ATXN1: variants seen among roughly 807,000 people sequenced by gnomAD.
ATXN1 encodes ataxin-1.
ATXN1 carries 8 observed loss-of-function variants against 56.4 expected under a neutral mutation model. The ratio of observed to expected loss-of-function variants is 0.14; its 90% CI spans 0.08 to 0.26. The LOEUF (loss-of-function observed/expected upper bound fraction) is 0.26, where lower values mean the gene tolerates loss of function less well. Among genes scored for constraint, ATXN1 ranks in the 10% least tolerant of loss-of-function variants. The pLI, the probability that ATXN1 is intolerant of heterozygous loss-of-function variation, is 1.00. For synonymous variants in ATXN1, 514 were observed against 494.6 expected (o/e 1.04, Z -0.52); for missense variants, 987 against 1,106.5 (o/e 0.89, Z 1.53).
Position 16,607,608 on chromosome 6 carries a change from T to C in ATXN1, c.-488-21701A>G, listed in dbSNP as rs142934924. Among the ~76,000 whole-genome samples the C allele has an allele frequency of 6.0e-3, 915 of 152,296 alleles. 6 individuals are homozygous for C. The highest frequency in any genetic ancestry group is 0.02 in the African/African-American group (817 of 41,568). On this transcript the variant is annotated intron_variant, in intron 3 of 7. Coordinates refer to ENST00000436367, the MANE Select transcript of ATXN1 (RefSeq NM_001128164.2). The stretch of plus-strand genomic sequence containing the variant: ...CCTGTTTCCATCTGATAGGTCAAAA[T>C]ACATGAATATGTACCCATCTCTCTA...
chr6:16,344,824 T>C (rs528297749), intron 6 of ATXN1, among the ~76,000 whole-genome samples: 3 of 152,384 alleles, frequency 2.0e-5, no homozygotes, highest in Admixed American at 1.3e-4. Flanking sequence ...CTATTAGTCC[T>C]GTCTGTCTAG....
chr6:16,363,288 T>C (rs2113478180), intron 6 of ATXN1, among the ~76,000 whole-genome samples: 1 of 152,348 alleles, frequency 6.6e-6, no homozygotes, highest in South Asian at 2.1e-4. Flanking sequence ...GCCTGATACA[T>C]ATTTGATAGG....
At chr6:16,711,703 C>G (rs1759528351) in intron 2 of ATXN1, among the ~76,000 whole-genome samples, 2 of 151,890 alleles carry the variant, frequency 1.3e-5, no homozygotes, top group Admixed American at 6.6e-5. Flanking sequence ...GCAGGCTTGA[C>G]CCCTCCCAGG....
intron 2 of ATXN1, among the ~76,000 whole-genome samples, chr6:16,711,613 T>C (rs909669145): frequency 1.3e-5 from 2 of 151,138 alleles, no homozygotes; most frequent in African/African-American, 4.9e-5. Context: ...TCTATATCTA[T>C]ATAGATATAG....
chr6:16,533,485 T>C (rs558348138), intron 4 of ATXN1, among the ~76,000 whole-genome samples: 1 of 152,324 alleles, frequency 6.6e-6, no homozygotes, highest in Admixed American at 6.5e-5. Flanking sequence ...ATTTGTAATA[T>C]GGCCAGAATG....
At chr6:16,582,107 A>G (rs1457358142) in intron 4 of ATXN1, among the ~76,000 whole-genome samples, 2 of 152,046 alleles carry the variant, frequency 1.3e-5, no homozygotes, top group Non-Finnish European at 1.5e-5. Context: ...AACAATCACA[A>G]CCTCATTGTC....
chr6:16,747,642 A>G (rs1244299184), intron 2 of ATXN1, among the ~76,000 whole-genome samples: 1 of 151,542 alleles, frequency 6.6e-6, no homozygotes. Context: ...TAAAAGCAAG[A>G]GATGTTGCCT....
At chr6:16,682,390 T>A (rs1249428164) in intron 2 of ATXN1, among the ~76,000 whole-genome samples, 1 of 151,888 alleles carries the variant, frequency 6.6e-6, no homozygotes, top group Non-Finnish European at 1.5e-5. Flanking sequence ...AAAGATGCAG[T>A]TTCACCATGA....
At chr6:16,602,153 A>C (rs1762923421) in intron 3 of ATXN1, among the ~76,000 whole-genome samples, 1 of 152,288 alleles carries the variant, frequency 6.6e-6, no homozygotes, top group East Asian at 1.9e-4. Flanking sequence ...TGTCTTCCGC[A>C]AAATCATAAA....
chr6:16,729,283 A>C (rs1759914914), intron 2 of ATXN1, among the ~76,000 whole-genome samples: 1 of 152,218 alleles, frequency 6.6e-6, no homozygotes, highest in Admixed American at 6.5e-5. Context: ...CTTCAAAAGG[A>C]GCTTTCCTGT....
chr6:16,346,734 C>T lies in ATXN1; in HGVS notation c.-160-18264G>A, dbSNP rs181582579. Among the ~76,000 whole-genome samples the T allele has an allele frequency of 2.5e-3, 378 of 150,932 alleles. 2 individuals are homozygous for T. The highest frequency in any genetic ancestry group is 3.4e-3 in the Non-Finnish European group (228 of 68,010). On this transcript the variant is annotated intron_variant, in intron 6 of 7. Transcript: ENST00000436367. ...GACAGCATACTGGCAGCCCTCACAG[C>T]CCTCACTTGCTCTCTGCGCCTCCTC...
Position 16,410,598 on chromosome 6 carries a change from C to T in ATXN1, c.-161+75374G>A, listed in dbSNP as rs752013235. Reference sequence around the variant, plus strand: ...CCCTTCCCTACATAAAGATAATATGCAAAAAATCCAAAAGGGTGCAATCAT... The same window carrying T: ...CCCTTCCCTACATAAAGATAATATGTAAAAAATCCAAAAGGGTGCAATCAT... On this transcript the variant is annotated intron_variant, in intron 6 of 7. Coordinates refer to ENST00000436367, the MANE Select transcript of ATXN1 (RefSeq NM_001128164.2). The surrounding 1 kb of genome is among the most constrained non-coding windows in gnomAD (Gnocchi z 4.6). 2.0e-5 allele frequency among the ~76,000 whole-genome samples: 3 copies of T among 152,098 alleles called. No homozygotes were observed. Among genetic ancestry groups the T allele is most frequent in the African/African-American group, 4.8e-5 (2 of 41,420 alleles).
chr6:16,422,145 G>A (rs1467319450), intron 6 of ATXN1, among the ~76,000 whole-genome samples: 3 of 152,080 alleles, frequency 2.0e-5, no homozygotes, highest in South Asian at 4.2e-4. Flanking sequence ...GCTGCCAACT[G>A]TTATCCTTCG....
intron 7 of ATXN1, among the ~76,000 whole-genome samples, chr6:16,324,720 G>T (rs567732660): frequency 2.0e-5 from 3 of 152,272 alleles, no homozygotes; most frequent in Non-Finnish European, 4.4e-5. Flanking sequence ...ATGGGCTGTG[G>T]AATAAATGCA....
At chr6:16,333,390 T>C (rs1761035215) in intron 6 of ATXN1, among the ~76,000 whole-genome samples, 1 of 152,184 alleles carries the variant, frequency 6.6e-6, no homozygotes, top group African/African-American at 2.4e-5. Flanking sequence ...GCTTGGGAAG[T>C]GATAGGAAAA....
intron 6 of ATXN1, among the ~76,000 whole-genome samples, chr6:16,357,917 A>G (rs1352073839): frequency 4.6e-5 from 7 of 152,200 alleles, no homozygotes; most frequent in Admixed American, 4.6e-4. Context: ...AGTAAGACCC[A>G]TTTAGCTTTA....
chr6:16,704,579 A>C (rs768601445), intron 2 of ATXN1, among the ~76,000 whole-genome samples: 1 of 152,192 alleles, frequency 6.6e-6, no homozygotes, highest in Non-Finnish European at 1.5e-5. Flanking sequence ...CTTACCAACA[A>C]GAAGTACTTC....
rs1057432627 is a variant in ATXN1 at position 16,486,037 on chromosome 6, G to A, written c.-226C>T. Reference sequence around the variant, plus strand: ...ACTTCACCATGGAGACTTCCCACAGGCTCTGGAGGGCTCCTGAGGGCTCTT... The same window carrying A: ...ACTTCACCATGGAGACTTCCCACAGACTCTGGAGGGCTCCTGAGGGCTCTT... On this transcript the variant is annotated 5_prime_UTR_variant, in exon 6 of 8. Coordinates refer to ENST00000436367, the MANE Select transcript of ATXN1 (RefSeq NM_001128164.2). The A allele has an allele frequency of 2.6e-5, 4 of 152,112 alleles. No individual in the cohort carries two copies. Among genetic ancestry groups the A allele is most frequent in the African/African-American group, 9.7e-5 (4 of 41,416 alleles). The allele number at this position is 152,112 out of a possible 1,614,324, so 9.4% of individuals were successfully genotyped here. A position where few individuals can be genotyped will look rare whatever the true frequency, so the allele number is the denominator to read the frequency against.
intron 6 of ATXN1, among the ~76,000 whole-genome samples, chr6:16,419,779 G>A (rs1234467873): frequency 6.6e-6 from 1 of 152,178 alleles, no homozygotes; most frequent in Non-Finnish European, 1.5e-5. Flanking sequence ...GGTGAGGCTG[G>A]AGGGGACAGA....
Sources: gnomAD v4.1 joint callset for allele counts (sites outside exome capture counted in the v4.1 genomes callset) on GRCh38, gnomAD v4.1.1 for gene constraint, Gnocchi (gnomAD v3.1) non-coding constraint, MANE v1.5 for transcripts, NCBI Gene and HGNC (gene_info 2026-07-23, HGNC 2026-07-21) for gene names.